The following NAALADL2 variants were observed in gnomAD, a reference collection of about 807,000 sequenced individuals.
NAALADL2 encodes N-acetylated alpha-linked acidic dipeptidase like 2.
In NAALADL2, 76 loss-of-function variants were observed where a neutral mutation model predicts 87.2. The observed-to-expected ratio is 0.87, with a 90% CI of 0.72 to 1.05. The LOEUF is 1.05. NAALADL2 is among the 50% of genes least tolerant of loss of function. The pLI is 0.00. For missense variants in NAALADL2, 1,089 were observed against 945.8 expected, an observed-to-expected ratio of 1.15 and a Z score of -1.99; for synonymous variants, 354 against 331.0, an observed-to-expected ratio of 1.07 and a Z score of -0.75.
chr3:175,332,315 T>A (rs188872501), intron 5 of NAALADL2, among the ~76,000 whole-genome samples: 5 of 152,096 alleles, frequency 3.3e-5, no homozygotes, highest in Non-Finnish European at 4.4e-5. Context: ...GCACCTGACT[T>A]CAAAGTATAT....
chr3:175,423,051 A>ATATATATATATATT (rs1458599872), intron 5 of NAALADL2, among the ~76,000 whole-genome samples: 2 of 91,510 alleles, frequency 2.2e-5, no homozygotes, highest in Non-Finnish European at 4.0e-5. Flanking sequence ...ATATATATAT[A>ATATATATATATATT]TTTTTTTTTT....
At chr3:174,703,356 A>AT (rs1662313672) in intron 2 of NAALADL2, among the ~76,000 whole-genome samples, 1 of 150,624 alleles carries the variant, frequency 6.6e-6, no homozygotes, top group African/African-American at 2.4e-5. Context: ...TAGAGTGATA[A>AT]TTGTTTTTAA....
At chr3:175,336,917 T>C (rs569558056) in intron 5 of NAALADL2, among the ~76,000 whole-genome samples, 5 of 152,172 alleles carry the variant, frequency 3.3e-5, no homozygotes, top group Admixed American at 3.3e-4. Context: ...TGGAAAAAAA[T>C]GATAAAGTGA....
At chr3:175,524,315 G>A (rs547827775) in intron 9 of NAALADL2, among the ~76,000 whole-genome samples, 3 of 152,246 alleles carry the variant, frequency 2.0e-5, no homozygotes, top group African/African-American at 4.8e-5. Context: ...CTAGAGCAAG[G>A]TTTCTAAACA....
At chr3:175,566,714 A>G (rs910941268) in intron 9 of NAALADL2, among the ~76,000 whole-genome samples, 1 of 152,114 alleles carries the variant, frequency 6.6e-6, no homozygotes, top group African/African-American at 2.4e-5. Context: ...AAAGGCATTT[A>G]TAATAATTTT....
intron 2 of NAALADL2, among the ~76,000 whole-genome samples, chr3:175,196,597 T>G (rs1739043125): frequency 6.6e-6 from 1 of 151,994 alleles, no homozygotes. Context: ...TTTTATACAT[T>G]GACTTCGCAT....
At chr3:175,255,130 G>C (rs1172461097) in intron 3 of NAALADL2, among the ~76,000 whole-genome samples, 1 of 150,080 alleles carries the variant, frequency 6.7e-6, no homozygotes, top group Non-Finnish European at 1.5e-5. Context: ...AAAGTAGAGA[G>C]AGGCCATATT....
chr3:175,758,976 T>C (rs567394933), intron 13 of NAALADL2, among the ~76,000 whole-genome samples: 1 of 152,250 alleles, frequency 6.6e-6, no homozygotes, highest in Admixed American at 6.5e-5. Flanking sequence ...TGTATTTAGA[T>C]CATGTCCCAA....
intron 5 of NAALADL2, among the ~76,000 whole-genome samples, chr3:175,354,282 C>T (rs1214019807): frequency 6.6e-6 from 1 of 152,042 alleles, no homozygotes; most frequent in Non-Finnish European, 1.5e-5. Flanking sequence ...ATGTAGAAAC[C>T]ATTACTCTTG....
intron 2 of NAALADL2, among the ~76,000 whole-genome samples, chr3:174,616,644 A>T (rs1375598982): frequency 1.3e-5 from 2 of 151,936 alleles, no homozygotes; most frequent in African/African-American, 4.8e-5. Flanking sequence ...TGCCAGAATC[A>T]CATGAGTTTT....
chr3:174,633,965 A>G (rs1210969414), intron 2 of NAALADL2, among the ~76,000 whole-genome samples: 2 of 152,192 alleles, frequency 1.3e-5, no homozygotes, highest in South Asian at 2.1e-4. Flanking sequence ...ATGTCCTTGA[A>G]TAATTCATTT....
intron 5 of NAALADL2, among the ~76,000 whole-genome samples, chr3:175,378,979 C>A (rs903070539): frequency 6.6e-6 from 1 of 152,138 alleles, no homozygotes; most frequent in African/African-American, 2.4e-5. Context: ...ACCTAACACT[C>A]CAAGATTTTT....
At chr3:174,724,263 G>A (rs1444828377) in intron 2 of NAALADL2, among the ~76,000 whole-genome samples, 3 of 152,128 alleles carry the variant, frequency 2.0e-5, no homozygotes, top group Admixed American at 2.0e-4. Context: ...TGCAGAGCAA[G>A]GTCAAATTTC....
intron 9 of NAALADL2, among the ~76,000 whole-genome samples, chr3:175,512,998 T>G (rs2149398681): frequency 6.6e-6 from 1 of 152,306 alleles, no homozygotes; most frequent in East Asian, 1.9e-4. Context: ...GAAGCAACTT[T>G]ACAAGAAGCT....
chr3:175,655,007 G>A (rs920456667), intron 11 of NAALADL2, among the ~76,000 whole-genome samples: 11 of 151,468 alleles, frequency 7.3e-5, no homozygotes, highest in African/African-American at 1.5e-4. Flanking sequence ...GTGTGACTAC[G>A]ATGAGTGTCA....
At chr3:175,605,301 A>G (rs1245088360) in intron 10 of NAALADL2, among the ~76,000 whole-genome samples, 4 of 152,126 alleles carry the variant, frequency 2.6e-5, no homozygotes, top group Non-Finnish European at 5.9e-5. Flanking sequence ...ATGATTTTTT[A>G]GTTAATGTTT....
chr3:174,733,939 TG>T (rs1294305977), intron 2 of NAALADL2, among the ~76,000 whole-genome samples: 1 of 152,048 alleles, frequency 6.6e-6, no homozygotes, highest in Non-Finnish European at 1.5e-5. Context: ...AGAGGCCTGG[TG>T]GGGGGTCCTT....
chr3:175,729,717 G>A (rs1313494202), intron 11 of NAALADL2, among the ~76,000 whole-genome samples: 3 of 151,004 alleles, frequency 2.0e-5, no homozygotes, highest in East Asian at 1.9e-4. Context: ...TGCCAGATTC[G>A]CAAATCACTC....
chr3:175,567,785 G>A (rs1057191350), intron 9 of NAALADL2, among the ~76,000 whole-genome samples: 23 of 149,554 alleles, frequency 1.5e-4, no homozygotes, highest in African/African-American at 5.7e-4. Context: ...GCACTATCTC[G>A]GCTCACTGCA....
Sources: gnomAD v4.1 joint callset for allele counts (sites outside exome capture counted in the v4.1 genomes callset) on GRCh38, gnomAD v4.1.1 for gene constraint, MANE v1.5 for transcripts, NCBI Gene and HGNC (gene_info 2026-07-23, HGNC 2026-07-21) for gene names.